SYN1: variants seen among roughly 807,000 people sequenced by gnomAD.
SYN1 encodes the protein synapsin I.
In SYN1, 8 loss-of-function variants were observed where a neutral mutation model predicts 44.6. That is an observed-to-expected ratio of 0.18 (90% CI 0.11 to 0.32). The LOEUF (loss-of-function observed/expected upper bound fraction) is 0.32. Among genes scored for constraint, SYN1 ranks in the 10% least tolerant of loss-of-function variants. The probability of loss-of-function intolerance (pLI) is 1.00; values close to 1 mark genes in which losing one functional copy is unlikely to be tolerated. For synonymous variants in SYN1, 275 were observed against 280.1 expected (o/e 0.98, Z 0.18); for missense variants, 451 against 639.4 (o/e 0.71, Z 3.18).
chrX:47,611,531 G>C (rs927767258), intron 1 of SYN1, among the ~76,000 whole-genome samples: 2 of 112,347 alleles, frequency 1.8e-5, no homozygotes, highest in South Asian at 7.4e-4. Flanking sequence ...AAAAGGATCA[G>C]AAACAGTTTA....
In SYN1 at chrX:47,581,828, A is replaced by G. The variant is rs759144714; in HGVS notation, c.775-4327T>C. Among the ~76,000 whole-genome samples, 7 of 111,464 alleles carry G rather than the reference A, an allele frequency of 6.3e-5. No homozygotes were observed. The East Asian group carries it at 1.1e-3, about 18-fold the overall frequency. ...CCTGGCTTTGGCTCCTGGCCACCTGAGTTCCAGTCTCAGTTCTGCCATGTA... is the reference window on the plus strand; with the variant it reads ...CCTGGCTTTGGCTCCTGGCCACCTGGGTTCCAGTCTCAGTTCTGCCATGTA... On this transcript the variant is annotated intron_variant, in intron 5 of 12. Coordinates refer to ENST00000295987, the MANE Select transcript of SYN1 (RefSeq NM_006950.3).
At chrX:47,579,849 G>GCCCCCCCCCCCCCCCCCCCCCCCCCCC (rs140381513) in intron 5 of SYN1, among the ~76,000 whole-genome samples, 43 of 83,067 alleles carry the variant, frequency 5.2e-4, no homozygotes, top group Middle Eastern at 6.3e-3. Flanking sequence ...TGTTTTTGTC[G>GCCCCCCCCCCCCCCCCCCCCCCCCCCC]CCCCCCCACC....
intron 3 of SYN1, among the ~76,000 whole-genome samples, chrX:47,605,893 A>AT (rs1010795491): frequency 6.6e-5 from 7 of 106,411 alleles, no homozygotes; most frequent in South Asian, 8.2e-4. Flanking sequence ...CTATATATAT[A>AT]TTTTTTTCTT....
Position 47,609,636 on chromosome X carries a change from G to A in SYN1, c.378-2438C>T, listed in dbSNP as rs746625020. ...AAGGGTGGTCTAATGCAATTCTGGA[G>A]CTGGGTTACCCAGCAGCCAGATGGC... On this transcript the variant is annotated intron_variant, in intron 1 of 12. Transcript: ENST00000295987. 1.2e-4 allele frequency among the ~76,000 whole-genome samples: 14 copies of A among 112,462 alleles called. 1 individual carries two copies. The Admixed American group carries it at 1.3e-3, about 11-fold the overall frequency.
rs765183335 is a variant in SYN1, at chrX:47,576,213, G to A, written c.1076C>T (p.Thr359Met). 1 of 1,202,969 alleles carries A rather than the reference G, an allele frequency of 8.3e-7. No individual in the cohort carries two copies. The highest frequency in any genetic ancestry group is 1.1e-6 in the Non-Finnish European group (1 of 891,051). ...CAGTCCCCCAAAAATCTCTGAGCACGTGTCCACCCACAGCTTGTATCTGCC... is the reference window on the plus strand; with the variant it reads ...CAGTCCCCCAAAAATCTCTGAGCACATGTCCACCCACAGCTTGTATCTGCC... The part of the protein sequence containing the change: ...MSDRYKLWVD[T>M]CSEIFGGLDI... Residue 359 changes from threonine (T) to methionine (M), a missense_variant, in exon 9 of 13, where the codon ACG becomes ATG. Thr to Met is a moderately conservative substitution (Grantham distance 81). Around this residue, in one of 3 missense-constraint regions of SYN1, gnomAD observed 315 missense variants for 451.4 expected, o/e 0.70. Transcript: ENST00000295987.
chrX:47,604,956 A>C (rs1360363201), intron 5 of SYN1, 22 bp downstream of exon 5: 9 of 1,177,301 alleles, frequency 7.6e-6, no homozygotes, highest in Non-Finnish European at 9.2e-6. Context: ...CCTCCTGCCC[A>C]CTCTATTTTC....
chrX:47,602,564 C>T (rs1215294686), intron 5 of SYN1, among the ~76,000 whole-genome samples: 1 of 110,754 alleles, frequency 9.0e-6, no homozygotes, highest in Non-Finnish European at 1.9e-5. Context: ...TTCGCTTGAA[C>T]CCAGGAGGCG....
chrX:47,597,455 G>A (rs2057867173), intron 5 of SYN1, among the ~76,000 whole-genome samples: 1 of 110,595 alleles, frequency 9.0e-6, no homozygotes, highest in Non-Finnish European at 1.9e-5. Context: ...TGAATTTGAA[G>A]ACAGGTCAGG....
At position 47,619,618 on chromosome X, in the gene SYN1, G is replaced by A; in HGVS notation, c.111C>T (p.Ala37=). ...GACCGGGCGTGGCTCCGGGGCTGTGGGCACCGGGCGGCGGTGGGGGCGGCT... is the reference window on the plus strand; with the variant it reads ...GACCGGGCGTGGCTCCGGGGCTGTGAGCACCGGGCGGCGGTGGGGGCGGCT... ...RPQPPPPPPG[A]HSPGATPGPG... The change falls in exon 1 of 13, where the codon GCC becomes GCT. Residue 37 remains alanine (A), a synonymous_variant. Coordinates refer to ENST00000295987, the MANE Select transcript of SYN1 (RefSeq NM_006950.3). The A allele has an allele frequency of 3.4e-6, 4 of 1,159,796 alleles. No homozygotes were observed. The highest frequency in any genetic ancestry group is 4.6e-6 in the Non-Finnish European group (4 of 868,849).
At chrX:47,590,543 T>C (rs1412546569) in intron 5 of SYN1, among the ~76,000 whole-genome samples, 2 of 112,513 alleles carry the variant, frequency 1.8e-5, no homozygotes, top group African/African-American at 6.5e-5. Context: ...AAGGGACATA[T>C]GGTCATGCTA....
intron 5 of SYN1, chrX:47,585,343 TC>T: frequency 1.7e-6 from 2 of 1,211,043 alleles, no homozygotes; most frequent in African/African-American, 1.7e-5. Context: ...TGAGGCACCG[TC>T]CCCGCGCCCT....
intron 5 of SYN1, among the ~76,000 whole-genome samples, chrX:47,580,183 T>C (rs868570659): frequency 1.4e-4 from 15 of 105,097 alleles, no homozygotes; most frequent in Non-Finnish European, 2.7e-4. Context: ...TTTAGAACAG[T>C]GCTTTTTTTT....
chrX:47,618,845 C>A (rs1359029185), intron 1 of SYN1, among the ~76,000 whole-genome samples: 1 of 111,536 alleles, frequency 9.0e-6, no homozygotes, highest in Non-Finnish European at 1.9e-5. Flanking sequence ...GCTCACAAGA[C>A]CCATTAGAGA....
At chrX:47,619,313 G>T in intron 1 of SYN1, 39 bp downstream of exon 1, 1 of 1,198,659 alleles carries the variant, frequency 8.3e-7, no homozygotes, top group Non-Finnish European at 1.1e-6. Flanking sequence ...ACGATCTGGG[G>T]ACCCAGGCCC....
At chrX:47,583,040 T>C (rs988888351) in intron 5 of SYN1, among the ~76,000 whole-genome samples, 2 of 91,875 alleles carry the variant, frequency 2.2e-5, no homozygotes, top group Non-Finnish European at 4.2e-5. Context: ...CCCTAAACTC[T>C]GCCGTCTCCA....
chrX:47,613,104 C>G (rs1199444143), intron 1 of SYN1, among the ~76,000 whole-genome samples: 2 of 97,713 alleles, frequency 2.0e-5, no homozygotes, highest in African/African-American at 3.9e-5. Flanking sequence ...CAGCACCAGC[C>G]TGGGCAATAG....
chrX:47,586,866 G>A, intron 5 of SYN1: 1 of 533,247 alleles, frequency 1.9e-6, no homozygotes, highest in Non-Finnish European at 2.9e-6. Flanking sequence ...GGACCAGTGG[G>A]GATGAGGGAT....
intron 5 of SYN1, chrX:47,582,663 CA>C: frequency 3.2e-6 from 1 of 317,458 alleles, no homozygotes; most frequent in South Asian, 2.9e-5. Context: ...CCCGAGGCTC[CA>C]AACTCCCTAG....
At chrX:47,585,955 G>GC in intron 5 of SYN1, 1 of 1,077,284 alleles carries the variant, frequency 9.3e-7, no homozygotes, top group Non-Finnish European at 1.2e-6. Flanking sequence ...CCGTTCCTGA[G>GC]CCCCCGGGAT....
Sources: allele counts gnomAD v4.1 joint callset (sites outside exome capture counted in the v4.1 genomes callset), GRCh38; gene constraint gnomAD v4.1.1; regional missense constraint gnomAD v4.1.1; transcripts MANE v1.5; gene names NCBI Gene and HGNC (gene_info 2026-07-23, HGNC 2026-07-21).